MTUS2: variants seen among roughly 807,000 people sequenced by gnomAD.
MTUS2 encodes the protein microtubule associated scaffold protein 2, also known as microtubule-associated tumor suppressor candidate 2.
In MTUS2, 40 loss-of-function variants were observed where a neutral mutation model predicts 114.1. That is an observed-to-expected ratio of 0.35 (90% CI 0.27 to 0.46). The LOEUF is 0.46. Ranked by LOEUF, MTUS2 falls within the 20% of genes least tolerant of loss-of-function variation. The probability of loss-of-function intolerance (pLI) is 1.00; values close to 1 mark genes in which losing one functional copy is unlikely to be tolerated. For missense variants in MTUS2, 1,679 were observed against 1,705.4 expected, an observed-to-expected ratio of 0.98 and a Z score of 0.27; for synonymous variants, 688 against 672.0, an observed-to-expected ratio of 1.02 and a Z score of -0.37.
At chr13:29,073,112 G>A (rs570248280) in intron 4 of MTUS2, among the ~76,000 whole-genome samples, 84 of 152,040 alleles carry the variant, frequency 5.5e-4, no homozygotes, top group African/African-American at 2.0e-3. Flanking sequence ...TGAATGTCTG[G>A]GTTATATGCA....
At chr13:29,160,902 A>G (rs1218785859) in intron 5 of MTUS2, among the ~76,000 whole-genome samples, 1 of 152,234 alleles carries the variant, frequency 6.6e-6, no homozygotes, top group African/African-American at 2.4e-5. Context: ...ATTGAGTGCA[A>G]AAAGCCAGTC....
At position 29,192,831 on chromosome 13, in the gene MTUS2, C is replaced by T. The variant is rs145131585; in HGVS notation, c.2645-88873C>T. Among the ~76,000 whole-genome samples the T allele has an allele frequency of 5.3e-5, 8 of 152,214 alleles. No homozygotes were observed. The East Asian group carries it at 7.7e-4, about 15-fold the overall frequency. On this transcript the variant is annotated intron_variant, in intron 5 of 15. Coordinates refer to ENST00000612955, the MANE Select transcript of MTUS2 (RefSeq NM_001033602.4). ...TGGTGTATTATGTCTTCCAAGGCCA[C>T]GATCAGGTTGCCTGCGTTATACCTG...
At chr13:28,939,402 G>C (rs1391609724) in intron 2 of MTUS2, among the ~76,000 whole-genome samples, 1 of 152,174 alleles carries the variant, frequency 6.6e-6, no homozygotes, top group East Asian at 1.9e-4. Context: ...GTGTGTAAAA[G>C]GGAATTTTCA....
At chr13:28,856,050 A>G (rs953003299) in intron 2 of MTUS2, among the ~76,000 whole-genome samples, 2 of 152,128 alleles carry the variant, frequency 1.3e-5, no homozygotes, top group South Asian at 2.1e-4. Flanking sequence ...CCGCACATCT[A>G]TGTACCCTGG....
chr13:29,184,202 C>T (rs943199909), intron 5 of MTUS2, among the ~76,000 whole-genome samples: 3 of 152,112 alleles, frequency 2.0e-5, no homozygotes, highest in Non-Finnish European at 2.9e-5. Flanking sequence ...TCAAGTATGC[C>T]GTTCAGCTAC....
intron 5 of MTUS2, among the ~76,000 whole-genome samples, chr13:29,257,639 T>C (rs899655665): frequency 6.6e-6 from 1 of 152,114 alleles, no homozygotes; most frequent in Non-Finnish European, 1.5e-5. Flanking sequence ...CAACTGGAAA[T>C]AATTTATATC....
At chr13:29,417,069 C>T (rs1875722923) in intron 8 of MTUS2, among the ~76,000 whole-genome samples, 1 of 152,192 alleles carries the variant, frequency 6.6e-6, no homozygotes, top group African/African-American at 2.4e-5. Flanking sequence ...TTATGGCTCA[C>T]AGTTCTGCAG....
chr13:28,972,681 G>A (rs4768988), intron 2 of MTUS2, among the ~76,000 whole-genome samples: 67,295 of 151,984 alleles, frequency 0.44, 15,602 homozygotes, highest in East Asian at 0.69. Context: ...TGGCTTTCCC[G>A]TTCTTCAAAG....
At chr13:29,047,281 T>C (rs933843442) in intron 4 of MTUS2, among the ~76,000 whole-genome samples, 3 of 152,164 alleles carry the variant, frequency 2.0e-5, no homozygotes, top group African/African-American at 7.2e-5. Context: ...AAGTGAGTGA[T>C]GTTGCATGTA....
chr13:28,823,644 C>A (rs1245394140), intron 1 of MTUS2, among the ~76,000 whole-genome samples: 2 of 152,214 alleles, frequency 1.3e-5, no homozygotes, highest in Non-Finnish European at 2.9e-5. Context: ...CTGCAGCTTT[C>A]AACACAAACA....
At chr13:29,204,796 G>C (rs1045979210) in intron 5 of MTUS2, among the ~76,000 whole-genome samples, 2 of 152,236 alleles carry the variant, frequency 1.3e-5, no homozygotes, top group African/African-American at 4.8e-5. Context: ...ACACAGCTTC[G>C]TGACCATTGG....
intron 1 of MTUS2, among the ~76,000 whole-genome samples, chr13:28,828,771 A>G (rs547277047): frequency 3.3e-4 from 51 of 152,266 alleles, no homozygotes; most frequent in African/African-American, 1.2e-3. Flanking sequence ...ATCAAGATTA[A>G]TGCAAAAAAT....
At chr13:29,127,659 C>T in intron 5 of MTUS2, among the ~76,000 whole-genome samples, 1 of 152,178 alleles carries the variant, frequency 6.6e-6, no homozygotes, top group East Asian at 1.9e-4. Flanking sequence ...GTGTGTGTTT[C>T]ATATTCTGCT....
intron 8 of MTUS2, among the ~76,000 whole-genome samples, chr13:29,415,521 C>G (rs1418940272): frequency 6.6e-6 from 1 of 152,146 alleles, no homozygotes; most frequent in African/African-American, 2.4e-5. Context: ...AGATTGCTAC[C>G]TCTGCTTTCT....
chr13:29,297,684 T>A (rs1482525603), intron 6 of MTUS2, among the ~76,000 whole-genome samples: 1 of 152,240 alleles, frequency 6.6e-6, no homozygotes, highest in Non-Finnish European at 1.5e-5. Flanking sequence ...TTCTGAGGTC[T>A]GTTTACACTT....
intron 5 of MTUS2, among the ~76,000 whole-genome samples, chr13:29,261,877 A>G (rs1897484976): frequency 1.3e-5 from 2 of 151,942 alleles, no homozygotes; most frequent in South Asian, 4.2e-4. Context: ...GGGATTTATT[A>G]CAATGGGTCT....
Position 29,496,656 on chromosome 13 carries a change from C to T in MTUS2, c.3580-582C>T, listed in dbSNP as rs1001985834. On this transcript the variant is annotated intron_variant, in intron 12 of 15. Coordinates refer to ENST00000612955, the MANE Select transcript of MTUS2 (RefSeq NM_001033602.4). The surrounding 1 kb of genome is among the most constrained non-coding windows in gnomAD (Gnocchi z 4.3). ...TGGTAATTCAGAGAAAAAGAGGAAC[C>T]GTGCCAGGAAGGAGCCGGCAGAGTG... 1.4e-4 allele frequency among the ~76,000 whole-genome samples: 21 copies of T among 152,040 alleles called. No homozygotes were observed. The highest frequency in any genetic ancestry group is 3.3e-4 in the Admixed American group (5 of 15,270).
At chr13:29,424,746 A>G (rs1282425275) in intron 8 of MTUS2, among the ~76,000 whole-genome samples, 2 of 152,206 alleles carry the variant, frequency 1.3e-5, no homozygotes, top group African/African-American at 4.8e-5. Context: ...AAGTGACATT[A>G]CAAAGAAACA....
intron 8 of MTUS2, among the ~76,000 whole-genome samples, chr13:29,425,251 T>G (rs1876423496): frequency 6.6e-6 from 1 of 151,988 alleles, no homozygotes; most frequent in Non-Finnish European, 1.5e-5. Context: ...CCATCTCTAC[T>G]AAAATACAAG....
Sources: allele counts gnomAD v4.1 joint callset (sites outside exome capture counted in the v4.1 genomes callset), GRCh38; gene constraint gnomAD v4.1.1; non-coding constraint Gnocchi (gnomAD v3.1); transcripts MANE v1.5; gene names NCBI Gene and HGNC (gene_info 2026-07-23, HGNC 2026-07-21).